Variants in CLDN15 observed in about 807,000 individuals in gnomAD.
CLDN15 encodes the protein claudin 15, also known as claudin-15.
A neutral mutation model predicts 24.5 loss-of-function variants in CLDN15; 9 were observed. That is an observed-to-expected ratio of 0.37 (90% confidence interval 0.22 to 0.64). CLDN15 has a LOEUF of 0.64. CLDN15 is among the 30% of genes least tolerant of loss of function. The probability of loss-of-function intolerance (pLI) is 0.63; values close to 1 mark genes in which losing one functional copy is unlikely to be tolerated. For synonymous variants in CLDN15, 149 were observed against 131.4 expected (o/e 1.13, Z -0.92); for missense variants, 248 against 305.9 (o/e 0.81, Z 1.41).
chr7:101,236,615 G>A lies in CLDN15; in HGVS notation c.217+750C>T, dbSNP rs542390108. The A allele has an allele frequency of 1.7e-4, 96 of 575,666 alleles. 1 individual carries two copies. The highest frequency in any genetic ancestry group is 2.4e-4 in the Non-Finnish European group (88 of 370,212). 35.7% of individuals were successfully genotyped at this position (575,666 alleles called of 1,614,324 possible). A position where few individuals can be genotyped will look rare whatever the true frequency, so the allele number is the denominator to read the frequency against. ...GACTGCCCCGGAGAAACAATGGGGC[G>A]GCCTCATCTTAGCGGGGAGCAGGGA... On this transcript the variant is annotated intron_variant, in intron 1 of 4. Transcript: ENST00000308344.
At position 101,232,815 on chromosome 7, in the gene CLDN15, G is replaced by A; in HGVS notation, c.464+18C>T. 2 of 1,603,246 alleles carry A rather than the reference G, an allele frequency of 1.2e-6. No individual in the cohort carries two copies. Among genetic ancestry groups the A allele is most frequent in the African/African-American group, 1.3e-5 (1 of 74,818 alleles). ...CCCGCTGCCCCGAGGGCGGGGGGTG[G>A]GGGGTTTCCTCACTCACTTGGTTCC... On this transcript the variant is annotated intron_variant, in intron 3 of 4. Transcript: ENST00000308344.
At chr7:101,236,687 A>C in intron 1 of CLDN15, 1 of 1,254,076 alleles carries the variant, frequency 8.0e-7, no homozygotes, top group Non-Finnish European at 1.0e-6. Flanking sequence ...GGGCCCAAAG[A>C]GCTGTTGGCT....
rs534466198 is a variant in CLDN15, at chr7:101,237,786, T to C, written c.-205A>G. 30 of 599,702 alleles carry C rather than the reference T, an allele frequency of 5.0e-5. No homozygotes were observed. In the South Asian group the frequency reaches 5.6e-4, roughly 11 times the overall value. 37.1% of individuals were successfully genotyped at this position (599,702 alleles called of 1,614,324 possible). On this transcript the variant is annotated 5_prime_UTR_variant, in exon 1 of 5. Transcript: ENST00000308344. This position sits in a 1 kb window ranked among gnomAD's most constrained non-coding sequence, Gnocchi z 4.0. ...CTGCTCTGTGGGTCTCTCTGCTTCC[T>C]GGCAGGTCAGAGGAATGAGCTAAGC...
chr7:101,235,989 C>G (rs544668987), intron 1 of CLDN15, among the ~76,000 whole-genome samples: 3 of 152,156 alleles, frequency 2.0e-5, no homozygotes, highest in Admixed American at 2.0e-4. Context: ...CCCCCTACTT[C>G]CCCACTGTGG....
Position 101,237,672 on chromosome 7 carries a change from G to A in CLDN15, c.-91C>T, listed in dbSNP as rs537068057. The A allele has an allele frequency of 1.1e-6, 1 of 899,928 alleles. No individual in the cohort carries two copies. The highest frequency in any genetic ancestry group is 1.8e-6 in the Non-Finnish European group (1 of 556,360). 55.7% of individuals were successfully genotyped at this position (899,928 alleles called of 1,614,324 possible). A position where few individuals can be genotyped will look rare whatever the true frequency, so the allele number is the denominator to read the frequency against. ...CTGGAAGGGGCTGCGGCTAAGGAGGGTTGTCCAGGCAGGCTGGGGTGGAAT... is the reference window on the plus strand; with the variant it reads ...CTGGAAGGGGCTGCGGCTAAGGAGGATTGTCCAGGCAGGCTGGGGTGGAAT... On this transcript the variant is annotated 5_prime_UTR_variant, in exon 1 of 5. Coordinates refer to ENST00000308344, the MANE Select transcript of CLDN15 (RefSeq NM_014343.3). The surrounding 1 kb of genome is among the most constrained non-coding windows in gnomAD (Gnocchi z 4.0).
rs575269196 is a variant in CLDN15, at chr7:101,234,366, C to T, written c.294G>A (p.Ala98=). ...CCCCAATGTTGGTGCAGCGCAGGCCCGCTATGCCTAGCAAGAGGCCGAGGA... is the reference window on the plus strand; with the variant it reads ...CCCCAATGTTGGTGCAGCGCAGGCCTGCTATGCCTAGCAAGAGGCCGAGGA... The part of the protein sequence containing the change: ...LGFLGLLLGI[A]GLRCTNIGGL... Residue 98 remains alanine, a synonymous_variant, in exon 2 of 5, where the codon GCG becomes GCA. Coordinates refer to ENST00000308344, the MANE Select transcript of CLDN15 (RefSeq NM_014343.3). 49 of 1,612,696 alleles carry T rather than the reference C, an allele frequency of 3.0e-5. 1 individual carries two copies. In the Admixed American group the frequency reaches 6.3e-4, roughly 21 times the overall value.
rs1584268222 is a variant in CLDN15, at chr7:101,236,984, G to T, written c.217+381C>A. 1.7e-5 allele frequency: 7 copies of T among 416,376 alleles called. No individual in the cohort carries two copies. In the East Asian group the frequency reaches 5.0e-4, roughly 30 times the overall value. 25.8% of individuals were successfully genotyped at this position (416,376 alleles called of 1,614,324 possible). ...CAAAACATGCTCAACCGTACTGAGTGCCTATGTGTGTTAACATCACGCTAA... is the reference window on the plus strand; with the variant it reads ...CAAAACATGCTCAACCGTACTGAGTTCCTATGTGTGTTAACATCACGCTAA... On this transcript the variant is annotated intron_variant, in intron 1 of 4. Transcript: ENST00000308344.
intron 1 of CLDN15, chr7:101,236,708 A>C: frequency 7.8e-7 from 1 of 1,288,038 alleles, no homozygotes; most frequent in Non-Finnish European, 1.0e-6. Context: ...CCAGCCCTCT[A>C]AGACCCCAGA....
At chr7:101,232,550 G>A (rs1217068487) in intron 4 of CLDN15, 35 bp from the exon 5 acceptor site, 3 of 1,595,744 alleles carry the variant, frequency 1.9e-6, no homozygotes, top group Middle Eastern at 1.7e-4. Context: ...GCGGGGGCGC[G>A]GCCCTCCTCT....
intron 2 of CLDN15, chr7:101,233,981 C>T: frequency 1.7e-6 from 1 of 584,664 alleles, no homozygotes; most frequent in Non-Finnish European, 3.2e-6. Flanking sequence ...CCTAACTCTG[C>T]TCCCCAGCTA....
Position 101,237,427 on chromosome 7 carries a change from C to T in CLDN15, c.155G>A (p.Cys52Tyr), listed in dbSNP as rs1274357098. 1 of 1,613,904 alleles carries T rather than the reference C, an allele frequency of 6.2e-7. No homozygotes were observed. The highest frequency in any genetic ancestry group is 1.1e-5 in the South Asian group (1 of 91,014). The part of the protein sequence containing the change: ...NTIFENLWFS[C>Y]ATDSLGVYNC... ...GTAGACGCCCAGGGAGTCGGTGGCACAGCTAAACCAGAGGTTCTCGAAGAT... is the reference window on the plus strand; with the variant it reads ...GTAGACGCCCAGGGAGTCGGTGGCATAGCTAAACCAGAGGTTCTCGAAGAT... The change falls in exon 1 of 5, where the codon TGT becomes TAT. Residue 52 changes from cysteine (C) to tyrosine (Y), a missense_variant. Coordinates refer to ENST00000308344, the MANE Select transcript of CLDN15 (RefSeq NM_014343.3). The surrounding 1 kb of genome is among the most constrained non-coding windows in gnomAD (Gnocchi z 4.0).
chr7:101,232,259 A>G lies in CLDN15; in HGVS notation c.*151T>C. The G allele has an allele frequency of 1.7e-6, 1 of 599,156 alleles. No homozygotes were observed. The highest frequency in any genetic ancestry group is 3.0e-6 in the Non-Finnish European group (1 of 337,274). The allele number at this position is 599,156 out of a possible 1,614,324, so 37.1% of individuals were successfully genotyped here. On this transcript the variant is annotated 3_prime_UTR_variant, in exon 5 of 5. Coordinates refer to ENST00000308344, the MANE Select transcript of CLDN15 (RefSeq NM_014343.3). ...GAGCAGTTCTTGGCCTGGAGGGGCC[A>G]TGAGAGTGCAAGACACGGGGCCGTG...
At chr7:101,237,879 C>T (rs1384644871), upstream of CLDN15, 3 of 424,820 alleles carry the variant, frequency 7.1e-6, no homozygotes, top group Admixed American at 1.1e-4. This position sits in a 1 kb window ranked among gnomAD's most constrained non-coding sequence, Gnocchi z 4.0. Flanking sequence ...ACCCCCTCCC[C>T]CCAGCCTCTG....
At position 101,232,431 on chromosome 7, in the gene CLDN15, G is replaced by T; in HGVS notation, c.666C>A (p.Tyr222Ter). 1 of 1,612,896 alleles carries T rather than the reference G, an allele frequency of 6.2e-7. No individual in the cohort carries two copies. Among genetic ancestry groups the T allele is most frequent in the Non-Finnish European group, 8.5e-7 (1 of 1,179,158 alleles). ...DQEGDSSFGK[Y>*]GRNAYV ...GCTGCTACACGTAGGCGTTTCTGCC[G>T]TATTTGCCAAAGCTGCTGTCGCCTT... Residue 222 changes from tyrosine (Y) to a stop codon, truncating the protein, a stop_gained, in exon 5 of 5, where the codon TAC (tyrosine) becomes TAA (stop). Coordinates refer to ENST00000308344, the MANE Select transcript of CLDN15 (RefSeq NM_014343.3). LOFTEE classifies it high-confidence loss of function.
At chr7:101,232,769 G>C (rs767565567) in intron 3 of CLDN15, 49 bp from the exon 4 acceptor site, 1 of 1,569,578 alleles carries the variant, frequency 6.4e-7, no homozygotes, top group Non-Finnish European at 8.7e-7. Flanking sequence ...GACGCCAGCC[G>C]GGGGGCAGGG....
chr7:101,235,761 G>A (rs1042571481), intron 1 of CLDN15, among the ~76,000 whole-genome samples: 2 of 149,322 alleles, frequency 1.3e-5, no homozygotes, highest in South Asian at 2.1e-4. Flanking sequence ...GGGCTGACAC[G>A]AGTCTGAGTC....
rs569283323 is a variant in CLDN15 at position 101,237,605 on chromosome 7, G to A, written c.-24C>T. On this transcript the variant is annotated 5_prime_UTR_variant, in exon 1 of 5. Transcript: ENST00000308344. The surrounding 1 kb of genome is among the most constrained non-coding windows in gnomAD (Gnocchi z 4.0). ...ATGGTGGGATGCAGGACCCTGGGGG[G>A]CTGGTGCCCCAGAGAGGGGGAGGGG... 36 of 1,573,380 alleles carry A rather than the reference G, an allele frequency of 2.3e-5. 2 individuals are homozygous for A. In the South Asian group the frequency reaches 3.4e-4, roughly 15 times the overall value.
At chr7:101,238,007 T>A (rs59928515), upstream of CLDN15, 1,589 of 260,450 alleles carry the variant, frequency 6.1e-3, 28 homozygotes, top group African/African-American at 0.032. Context: ...AGGGGAAGCG[T>A]CTGTCTCTGA....
chr7:101,237,810 G>A, upstream of CLDN15: 1 of 575,886 alleles, frequency 1.7e-6, no homozygotes, highest in Non-Finnish European at 3.1e-6. The surrounding 1 kb of genome is among the most constrained non-coding windows in gnomAD (Gnocchi z 4.0). Context: ...AATGAGCTAA[G>A]CCTGCGCGCG....
Sources: allele counts gnomAD v4.1 joint callset (sites outside exome capture counted in the v4.1 genomes callset), GRCh38; gene constraint gnomAD v4.1.1; non-coding constraint Gnocchi (gnomAD v3.1); transcripts MANE v1.5; gene names NCBI Gene and HGNC (gene_info 2026-07-23, HGNC 2026-07-21).